The following ZNF235 variants were observed in gnomAD, a reference collection of about 807,000 sequenced individuals.
ZNF235 encodes the protein zinc finger protein 235, also known as zfp-93.
A neutral mutation model predicts 29.4 loss-of-function variants in ZNF235; 25 were observed. The observed-to-expected ratio is 0.85, with a 90% CI of 0.62 to 1.19. The LOEUF (loss-of-function observed/expected upper bound fraction) is 1.19, where lower values mean the gene tolerates loss of function less well. Ranked by LOEUF, ZNF235 falls within the 50% of genes most tolerant of loss-of-function variation. The probability of loss-of-function intolerance (pLI) is 0.00; values close to 1 mark genes in which losing one functional copy is unlikely to be tolerated. For synonymous variants in ZNF235, 300 were observed against 295.3 expected, an observed-to-expected ratio of 1.02 and a Z score of -0.16; for missense variants, 788 against 885.0, an observed-to-expected ratio of 0.89 and a Z score of 1.39.
chr19:44,287,714 T>C lies in ZNF235; in HGVS notation c.1721A>G (p.Glu574Gly), dbSNP rs528371956. The C allele has an allele frequency of 6.8e-6, 11 of 1,614,024 alleles. No homozygotes were observed. Among genetic ancestry groups the C allele is most frequent in the African/African-American group, 1.3e-5 (1 of 74,924 alleles). ...CTGACTGAAACCCTTACCACACTCTTCACATTTGTAGGGTTTCTCTCCGGT... is the reference window on the plus strand; with the variant it reads ...CTGACTGAAACCCTTACCACACTCTCCACATTTGTAGGGTTTCTCTCCGGT... ...VHTGEKPYKC[E>G]ECGKGFSQAS... is the part of the protein sequence containing the mutation. Residue 574 changes from glutamate (E) to glycine (G), a missense_variant, in exon 5 of 5, where the codon GAA becomes GGA. Coordinates refer to ENST00000291182, the MANE Select transcript of ZNF235 (RefSeq NM_004234.4).
chr19:44,288,795 C>A lies in ZNF235; in HGVS notation c.640G>T (p.Val214Phe), dbSNP rs376321539. Residue 214 changes from valine (V) to phenylalanine (F), a missense_variant, in exon 5 of 5, where the codon GTT (valine) becomes TTT (phenylalanine). Physicochemically the swap from Val to Phe is conservative, Grantham distance 50. Coordinates refer to ENST00000291182, the MANE Select transcript of ZNF235 (RefSeq NM_004234.4). ...TGTGAAATACAACTGAAAATGTCAA[C>A]ATATGGAGCAAATATACATAGTTTG... ...KNKLCIFAPY[V>F]DIFSCISHHH... 2.0e-5 allele frequency: 33 copies of A among 1,613,572 alleles called. No individual in the cohort carries two copies. Among genetic ancestry groups the A allele is most frequent in the Non-Finnish European group, 2.8e-5 (33 of 1,179,812 alleles).
intron 4 of ZNF235, among the ~76,000 whole-genome samples, chr19:44,293,545 G>C (rs762905766): frequency 4.0e-5 from 6 of 151,814 alleles, no homozygotes; most frequent in Non-Finnish European, 8.8e-5. Flanking sequence ...AGAAACACTG[G>C]ACTTAAATTA....
intron 4 of ZNF235, among the ~76,000 whole-genome samples, chr19:44,298,363 G>A (rs1168253823): frequency 6.6e-6 from 1 of 151,720 alleles, no homozygotes; most frequent in Non-Finnish European, 1.5e-5. Flanking sequence ...AGGATCTGAA[G>A]CAGAGAGTGA....
At position 44,288,531 on chromosome 19, in the gene ZNF235, A is replaced by G. The variant is rs1568643132; in HGVS notation, c.904T>C (p.Tyr302His). 3.7e-6 allele frequency: 6 copies of G among 1,614,154 alleles called. No individual in the cohort carries two copies. Among genetic ancestry groups the G allele is most frequent in the Non-Finnish European group, 3.4e-6 (4 of 1,179,990 alleles). Reference sequence around the variant, plus strand: ...TGTTGAACAGGAATACCTGAGCTATAACTGGTGTCCTTCTCATGTGTACTA... The same window carrying G: ...TGTTGAACAGGAATACCTGAGCTATGACTGGTGTCCTTCTCATGTGTACTA... ...ACSTHEKDTSYSSGIPVQQSV... is the reference protein window; with the variant it reads ...ACSTHEKDTSHSSGIPVQQSV... Residue 302 changes from tyrosine (Y) to histidine (H), a missense_variant, in exon 5 of 5, where the codon TAT (tyrosine) becomes CAT (histidine). By Grantham distance (83) the Tyr-to-His change is moderately conservative (BLOSUM62 2). Coordinates refer to ENST00000291182, the MANE Select transcript of ZNF235 (RefSeq NM_004234.4).
In ZNF235 at chr19:44,303,007, CGT is replaced by C. The variant is rs1227209283; in HGVS notation, c.15+381_15+382del. Among the ~76,000 whole-genome samples, 5 of 109,776 alleles carry C rather than the reference CGT, an allele frequency of 4.6e-5. No homozygotes were observed. In the South Asian group the frequency reaches 7.5e-4, roughly 17 times the overall value. The allele number at this position is 109,776 out of a possible 152,430, so 72.0% of individuals were successfully genotyped here. ...TTATATATAAATATATACATATATA[CGT>C]ATATATTTATATAAAATATACGTAT... is the stretch of plus-strand genomic sequence containing the variant. On this transcript the variant is annotated intron_variant, in intron 2 of 4. Coordinates refer to ENST00000291182, the MANE Select transcript of ZNF235 (RefSeq NM_004234.4).
Position 44,302,731 on chromosome 19 carries a change from ACT to A in ZNF235, c.15+657_15+658del, listed in dbSNP as rs543584988. Among the ~76,000 whole-genome samples the A allele has an allele frequency of 2.1e-3, 305 of 146,824 alleles. 1 individual carries two copies. The highest frequency in any genetic ancestry group is 6.8e-3 in the African/African-American group (271 of 40,060). On this transcript the variant is annotated intron_variant, in intron 2 of 4. Transcript: ENST00000291182. ...ACTCCAGCCTGGGAAACAGGGTGAG[ACT>A]CTGTCTCTAAATATATATAGAGATT... is the stretch of plus-strand genomic sequence containing the variant.
rs1346634243 is a variant in ZNF235, at chr19:44,288,406, C to T, written c.1029G>A (p.Gly343=). 6.2e-7 allele frequency: 1 copy of T among 1,612,076 alleles called. No homozygotes were observed. Among genetic ancestry groups the T allele is most frequent in the South Asian group, 1.1e-5 (1 of 90,788 alleles). The change falls in exon 5 of 5, where the codon GGG becomes GGA. Residue 343 remains glycine, a synonymous_variant. Transcript: ENST00000291182. ...NLQTHQRVHT[G]EKPYTCHECG... ...ACTCGTGGCATGTATAGGGTTTCTC[C>T]CCTGTGTGGACTCTCTGATGAGTTT...
intron 4 of ZNF235, among the ~76,000 whole-genome samples, chr19:44,293,066 C>T (rs529614807): frequency 6.6e-6 from 1 of 152,148 alleles, no homozygotes; most frequent in South Asian, 2.1e-4. Flanking sequence ...AGGGAATGCT[C>T]AAGTGAGTTC....
intron 4 of ZNF235, among the ~76,000 whole-genome samples, chr19:44,298,607 G>C (rs1975687557): frequency 6.6e-6 from 1 of 152,078 alleles, no homozygotes; most frequent in Admixed American, 6.5e-5. Context: ...AAAGACCCCA[G>C]GCTGGTCTTG....
At chr19:44,299,478 C>G in intron 3 of ZNF235, 128 bp downstream of exon 3, 2 of 1,190,268 alleles carry the variant, frequency 1.7e-6, no homozygotes. Flanking sequence ...GGACAGAGGC[C>G]AGGGATGCCA....
At chr19:44,304,098 C>T (rs1975795333) in intron 1 of ZNF235, among the ~76,000 whole-genome samples, 4 of 152,062 alleles carry the variant, frequency 2.6e-5, no homozygotes, top group Admixed American at 2.6e-4. Flanking sequence ...GTTAAACTGC[C>T]ACAGGTTTTT....
intron 4 of ZNF235, among the ~76,000 whole-genome samples, chr19:44,295,528 T>G (rs1200190271): frequency 1.3e-5 from 2 of 152,108 alleles, no homozygotes; most frequent in Non-Finnish European, 2.9e-5. Flanking sequence ...CAAAGCAATC[T>G]ACAAATTCAA....
rs192800487 is a variant in ZNF235 at position 44,286,498 on chromosome 19, A to G, written c.*720T>C. The G allele has an allele frequency of 1.1e-4, 16 of 152,306 alleles. No homozygotes were observed. Among genetic ancestry groups the G allele is most frequent in the Admixed American group, 1.0e-3 (16 of 15,294 alleles). 9.4% of individuals were successfully genotyped at this position (152,306 alleles called of 1,614,324 possible). A position where few individuals can be genotyped will look rare whatever the true frequency, so the allele number is the denominator to read the frequency against. ...AAAAACAGTATTGTTCAGTCTATAA[A>G]CTGACACTAAAAATCATACTGTACA... On this transcript the variant is annotated 3_prime_UTR_variant, in exon 5 of 5. Coordinates refer to ENST00000291182, the MANE Select transcript of ZNF235 (RefSeq NM_004234.4).
intron 4 of ZNF235, chr19:44,290,757 A>G (rs1416632969): frequency 6.3e-6 from 1 of 158,546 alleles, no homozygotes; most frequent in Non-Finnish European, 1.4e-5. Context: ...CACAAAACCT[A>G]TTATGACAAC....
At position 44,289,158 on chromosome 19, in the gene ZNF235, C is replaced by T; in HGVS notation, c.277G>A (p.Ala93Thr). The T allele has an allele frequency of 1.2e-6, 2 of 1,613,624 alleles. No homozygotes were observed. The highest frequency in any genetic ancestry group is 2.2e-5 in the South Asian group (2 of 91,034). The change falls in exon 5 of 5, where the codon GCA becomes ACA. Residue 93 changes from alanine to threonine, a missense_variant. By Grantham distance (58) the Ala-to-Thr change is moderately conservative (BLOSUM62 0). Transcript: ENST00000291182. ...NQNEMATLHK[A>T]GLRCFSLGEL... ...CCCAGTGAAAAGCACCTTAATCCTG[C>T]TTTGTGAAGAGTTGCCATCTCATTT...
intron 1 of ZNF235, chr19:44,304,681 G>C: frequency 1.0e-6 from 1 of 974,390 alleles, no homozygotes; most frequent in Non-Finnish European, 1.2e-6. Flanking sequence ...ACTGAGACAA[G>C]GAGAGATTAA....
Position 44,288,036 on chromosome 19 carries a change from A to G in ZNF235, c.1399T>C (p.Cys467Arg). 1.2e-6 allele frequency: 2 copies of G among 1,612,078 alleles called. No homozygotes were observed. Among genetic ancestry groups the G allele is most frequent in the Non-Finnish European group, 1.7e-6 (2 of 1,179,392 alleles). Residue 467 changes from cysteine (C) to arginine (R), a missense_variant, in exon 5 of 5, where the codon TGC (cysteine) becomes CGC (arginine). Coordinates refer to ENST00000291182, the MANE Select transcript of ZNF235 (RefSeq NM_004234.4). ...TGAAGATTAAAGCTCAAACTAAAGC[A>G]CTTACCACACTCATCACATTTGTAT... ...KPYKCDECGK[C>R]FSLSFNLHSH...
At chr19:44,300,063 C>T (rs1440183711) in intron 2 of ZNF235, among the ~76,000 whole-genome samples, 1 of 152,190 alleles carries the variant, frequency 6.6e-6, no homozygotes, top group African/African-American at 2.4e-5. Flanking sequence ...AAAGCTCTGG[C>T]ACAAGTACGC....
intron 2 of ZNF235, 70 bp from the exon 3 acceptor site, chr19:44,299,802 G>A: frequency 6.2e-7 from 1 of 1,606,868 alleles, no homozygotes; most frequent in South Asian, 1.1e-5. Flanking sequence ...AACTCTTTCT[G>A]TAGAGTTACT....
Sources: allele counts gnomAD v4.1 joint callset (sites outside exome capture counted in the v4.1 genomes callset), GRCh38; gene constraint gnomAD v4.1.1; transcripts MANE v1.5; gene names NCBI Gene and HGNC (gene_info 2026-07-23, HGNC 2026-07-21).